Variants in CCDC66 observed in about 807,000 individuals in gnomAD.
CCDC66 encodes the protein coiled-coil domain-containing protein 66.
A neutral mutation model predicts 128.3 loss-of-function variants in CCDC66; 133 were observed. The ratio of observed to expected loss-of-function variants is 1.04; its 90% CI spans 0.90 to 1.20. CCDC66 has a LOEUF of 1.20. Among genes scored for constraint, CCDC66 ranks in the 50% most tolerant of loss-of-function variants. CCDC66 has a pLI of 0.00. For synonymous variants in CCDC66, 387 were observed against 357.0 expected, an observed-to-expected ratio of 1.08 and a Z score of -0.95; for missense variants, 1,126 against 1,075.5, an observed-to-expected ratio of 1.05 and a Z score of -0.66.
rs1464931080 is a variant in CCDC66, at chr3:56,617,238, A to G, written c.1970A>G (p.Lys657Arg). ...CTTATTGGACAGTTTAGCACCAAGA[A>G]AAACAAGCAAGAACTAACTCAGGAT... ...AELIGQFSTK[K>R]NKQELTQDKG... is the part of the protein sequence containing the mutation. The change falls in exon 14 of 18, where the codon AAA (lysine) becomes AGA (arginine). Residue 657 changes from lysine to arginine, a missense_variant. By Grantham distance (26) the Lys-to-Arg change is conservative. Coordinates refer to ENST00000394672, the MANE Select transcript of CCDC66 (RefSeq NM_001141947.3). The G allele has an allele frequency of 6.2e-7, 1 of 1,614,052 alleles. No individual in the cohort carries two copies. The highest frequency in any genetic ancestry group is 2.2e-5 in the East Asian group (1 of 44,858).
At chr3:56,564,340 A>C (rs1240185220) in intron 4 of CCDC66, among the ~76,000 whole-genome samples, 1 of 152,212 alleles carries the variant, frequency 6.6e-6, no homozygotes, top group Non-Finnish European at 1.5e-5. Context: ...AATATTAAGA[A>C]ACCTAGTTTC....
intron 7 of CCDC66, among the ~76,000 whole-genome samples, chr3:56,577,901 G>A (rs1354151838): frequency 1.3e-5 from 2 of 151,748 alleles, no homozygotes; most frequent in Non-Finnish European, 2.9e-5. Context: ...TGGCTATTTG[G>A]GCTGTTTTTT....
Position 56,613,708 on chromosome 3 carries a change from GA to G in CCDC66, c.1527del (p.Lys509AsnfsTer17). ...RLAQEREEMQ[K>X]QYEEDILKQK... ...TAGCACAGGAACGTGAAGAGATGCAGAAACAGTATGAAGAAGACATACTTAA... is the reference window on the plus strand; with the variant it reads ...TAGCACAGGAACGTGAAGAGATGCAGAACAGTATGAAGAAGACATACTTAA... On this transcript the variant is annotated frameshift_variant, in exon 11 of 18. Transcript: ENST00000394672. LOFTEE classifies it high-confidence loss of function. 1.2e-6 allele frequency: 2 copies of G among 1,613,762 alleles called. No homozygotes were observed. Among genetic ancestry groups the G allele is most frequent in the East Asian group, 4.5e-5 (2 of 44,866 alleles).
intron 10 of CCDC66, among the ~76,000 whole-genome samples, chr3:56,606,201 G>A (rs1402775371): frequency 2.0e-5 from 3 of 152,050 alleles, no homozygotes; most frequent in Admixed American, 2.0e-4. Flanking sequence ...ATCATAGCTT[G>A]CTGAGCTCCC....
chr3:56,605,648 G>A lies in CCDC66; in HGVS notation c.1405-7941G>A, dbSNP rs181968532. Among the ~76,000 whole-genome samples the A allele has an allele frequency of 1.3e-3, 198 of 152,050 alleles. 4 individuals carry two copies. Among genetic ancestry groups the A allele is most frequent in the African/African-American group, 4.1e-3 (170 of 41,404 alleles). ...GCTTGTTCCTTCCTCTGGAAGCTTCGTCCCAGAGGGGCACCCGTCACATGC... is the reference window on the plus strand; with the variant it reads ...GCTTGTTCCTTCCTCTGGAAGCTTCATCCCAGAGGGGCACCCGTCACATGC... On this transcript the variant is annotated intron_variant, in intron 10 of 17. Coordinates refer to ENST00000394672, the MANE Select transcript of CCDC66 (RefSeq NM_001141947.3).
In CCDC66 at chr3:56,615,995, T is replaced by G. The variant is rs1262224177; in HGVS notation, c.1785T>G (p.Gly595=). The G allele has an allele frequency of 3.1e-6, 5 of 1,592,980 alleles. No homozygotes were observed. The highest frequency in any genetic ancestry group is 3.4e-6 in the Non-Finnish European group (4 of 1,170,650). Residue 595 remains glycine (G), a synonymous_variant, in exon 13 of 18, where the codon GGT becomes GGG. Coordinates refer to ENST00000394672, the MANE Select transcript of CCDC66 (RefSeq NM_001141947.3). ...NSRHDSDEIS[G]KMNTYMNSTT... Reference sequence around the variant, plus strand: ...GACATGATTCTGATGAAATCAGTGGTAAAATGAATACATATATGAATTCTA... The same window carrying G: ...GACATGATTCTGATGAAATCAGTGGGAAAATGAATACATATATGAATTCTA...
intron 7 of CCDC66, among the ~76,000 whole-genome samples, chr3:56,577,254 CT>C (rs778339627): frequency 6.6e-6 from 1 of 151,742 alleles, no homozygotes; most frequent in Admixed American, 6.6e-5. Flanking sequence ...CCTTTGCCCA[CT>C]TTTTGATGGA....
At chr3:56,602,980 G>A (rs1020237219) in intron 10 of CCDC66, among the ~76,000 whole-genome samples, 18 of 151,068 alleles carry the variant, frequency 1.2e-4, no homozygotes, top group Admixed American at 4.0e-4. Flanking sequence ...GACTACAGGC[G>A]CCCACCATCA....
chr3:56,605,875 AC>A (rs1222606249), intron 10 of CCDC66, among the ~76,000 whole-genome samples: 1 of 151,906 alleles, frequency 6.6e-6, no homozygotes, highest in East Asian at 1.9e-4. Flanking sequence ...ACCCACAGCC[AC>A]CCCTTCCCCC....
At chr3:56,599,395 T>C (rs2072745274) in intron 10 of CCDC66, among the ~76,000 whole-genome samples, 1 of 152,110 alleles carries the variant, frequency 6.6e-6, no homozygotes, top group Non-Finnish European at 1.5e-5. Context: ...TGTGTGTCTC[T>C]ATTTTGTTTA....
At position 56,585,673 on chromosome 3, in the gene CCDC66, T is replaced by C. The variant is rs149340496; in HGVS notation, c.937-7297T>C. ...CAACAAAAATCAAAGTAACCTTAGT[T>C]TTCTTCTCTGTATATAGTATAGCAA... is the stretch of plus-strand genomic sequence containing the variant. On this transcript the variant is annotated intron_variant, in intron 7 of 17. Coordinates refer to ENST00000394672, the MANE Select transcript of CCDC66 (RefSeq NM_001141947.3). 4.6e-3 allele frequency among the ~76,000 whole-genome samples: 701 copies of C among 151,974 alleles called. 10 individuals carry two copies. Among genetic ancestry groups the C allele is most frequent in the African/African-American group, 0.016 (658 of 41,540 alleles).
chr3:56,614,916 G>T (rs1316572245), intron 11 of CCDC66, among the ~76,000 whole-genome samples: 1 of 152,128 alleles, frequency 6.6e-6, no homozygotes, highest in Non-Finnish European at 1.5e-5. Context: ...TGGGTAAAAA[G>T]AGTTATATTT....
chr3:56,571,435 G>A, intron 7 of CCDC66, 133 bp downstream of exon 7: 1 of 567,510 alleles, frequency 1.8e-6, no homozygotes, highest in Non-Finnish European at 3.0e-6. Context: ...AGGCTGGAAT[G>A]CAGTGGCACA....
At chr3:56,621,426 T>C in intron 17 of CCDC66, 106 bp from the exon 18 acceptor site, 1 of 783,698 alleles carries the variant, frequency 1.3e-6, no homozygotes, top group Non-Finnish European at 2.0e-6. Flanking sequence ...GACAAAATTT[T>C]ATCCTAAGCG....
chr3:56,594,128 C>A, intron 10 of CCDC66, 100 bp downstream of exon 10: 1 of 1,041,324 alleles, frequency 9.6e-7, no homozygotes, highest in Non-Finnish European at 1.5e-6. Context: ...GTAAACTTTA[C>A]AGCATAGGTC....
chr3:56,611,918 CTCACAG>C (rs1436790675), intron 10 of CCDC66, among the ~76,000 whole-genome samples: 2 of 152,192 alleles, frequency 1.3e-5, no homozygotes, highest in Non-Finnish European at 2.9e-5. Context: ...AGTTGGGTCA[CTCACAG>C]TATTTGGGGT....
In CCDC66 at chr3:56,557,271, G is replaced by A; in HGVS notation, c.11+18G>A. On this transcript the variant is annotated intron_variant, in intron 1 of 17. Transcript: ENST00000394672. The stretch of plus-strand genomic sequence containing the variant: ...AACTTGGGGTAAGCAGGGGTAAGCT[G>A]GGGTAAGCTGGGGTAAGCAAGGTGG... The A allele has an allele frequency of 6.5e-7, 1 of 1,549,700 alleles. No homozygotes were observed.
chr3:56,613,581 A>G lies in CCDC66; in HGVS notation c.1405-8A>G. ...TTGACAATGATTTACGTGATTGCTTATGACTAGAAAGCCATCACTGCCCAG... is the reference window on the plus strand; with the variant it reads ...TTGACAATGATTTACGTGATTGCTTGTGACTAGAAAGCCATCACTGCCCAG... On this transcript the variant is annotated splice_polypyrimidine_tract_variant and splice_region_variant and intron_variant, in intron 10 of 17. Transcript: ENST00000394672. 6.2e-7 allele frequency: 1 copy of G among 1,606,188 alleles called. No individual in the cohort carries two copies. Among genetic ancestry groups the G allele is most frequent in the Non-Finnish European group, 8.5e-7 (1 of 1,177,958 alleles).
intron 7 of CCDC66, among the ~76,000 whole-genome samples, chr3:56,579,993 A>G (rs1383220915): frequency 8.6e-5 from 13 of 151,754 alleles, no homozygotes; most frequent in Admixed American, 7.9e-4. Context: ...TGATCTGTCT[A>G]ATGTTGACAG....
Sources: gnomAD v4.1 joint callset for allele counts (sites outside exome capture counted in the v4.1 genomes callset) on GRCh38, gnomAD v4.1.1 for gene constraint, MANE v1.5 for transcripts, NCBI Gene and HGNC (gene_info 2026-07-23, HGNC 2026-07-21) for gene names.